EDIL3: variants seen among roughly 807,000 people sequenced by gnomAD.
EDIL3 encodes the protein EGF like and discoidin domains 3, also known as EGF-like repeat and discoidin I-like domain-containing protein 3.
A neutral mutation model predicts 67.4 loss-of-function variants in EDIL3; 37 were observed. The ratio of observed to expected loss-of-function variants is 0.55; its 90% CI spans 0.42 to 0.72. The LOEUF (loss-of-function observed/expected upper bound fraction) is 0.72, where lower values mean the gene tolerates loss of function less well. Ranked by LOEUF, EDIL3 falls within the 30% of genes least tolerant of loss-of-function variation. The pLI is 0.00. For missense variants in EDIL3, 527 were observed against 586.3 expected (o/e 0.90, Z 1.04); for synonymous variants, 195 against 196.3 (o/e 0.99, Z 0.05).
At chr5:84,053,221 C>T (rs1024742442) in intron 9 of EDIL3, among the ~76,000 whole-genome samples, 7 of 152,062 alleles carry the variant, frequency 4.6e-5, no homozygotes, top group Non-Finnish European at 8.8e-5. Context: ...GGGTACATAA[C>T]GAAATGAAGG....
At chr5:84,171,674 A>T (rs573352904) in intron 4 of EDIL3, among the ~76,000 whole-genome samples, 6 of 152,212 alleles carry the variant, frequency 3.9e-5, no homozygotes, top group African/African-American at 7.2e-5. Flanking sequence ...AACCTATCCC[A>T]AGCTTGGTTT....
intron 1 of EDIL3, among the ~76,000 whole-genome samples, chr5:84,375,603 G>A (rs1450395129): frequency 1.3e-5 from 2 of 152,112 alleles, no homozygotes; most frequent in Non-Finnish European, 2.9e-5. Flanking sequence ...ACTACCTGAT[G>A]TATCTGAAAA....
At chr5:84,362,774 T>C (rs1197007854) in intron 1 of EDIL3, among the ~76,000 whole-genome samples, 1 of 152,204 alleles carries the variant, frequency 6.6e-6, no homozygotes, top group Non-Finnish European at 1.5e-5. Context: ...TAGATTGGTT[T>C]ACTATGTAGC....
At chr5:84,212,340 C>T (rs342409) in intron 3 of EDIL3, among the ~76,000 whole-genome samples, 1 of 152,096 alleles carries the variant, frequency 6.6e-6, no homozygotes, top group Non-Finnish European at 1.5e-5. Context: ...TTCCTATTAC[C>T]GGTGAAGAAA....
At chr5:84,262,192 G>A (rs1745235629) in intron 1 of EDIL3, among the ~76,000 whole-genome samples, 1 of 152,152 alleles carries the variant, frequency 6.6e-6, no homozygotes, top group East Asian at 1.9e-4. Flanking sequence ...ACAGGGCCGG[G>A]GGAGGCTTTT....
chr5:84,163,493 T>G (rs2112341972), intron 4 of EDIL3, among the ~76,000 whole-genome samples: 1 of 152,248 alleles, frequency 6.6e-6, no homozygotes, highest in Non-Finnish European at 1.5e-5. Flanking sequence ...TATTTACTTT[T>G]TAACATATAA....
intron 9 of EDIL3, among the ~76,000 whole-genome samples, chr5:83,963,598 T>C (rs1434162759): frequency 6.6e-6 from 1 of 151,560 alleles, no homozygotes; most frequent in Non-Finnish European, 1.5e-5. Flanking sequence ...AGTCAAATCA[T>C]GGTGATTTCA....
intron 1 of EDIL3, among the ~76,000 whole-genome samples, chr5:84,263,710 C>G (rs1745282798): frequency 6.6e-6 from 1 of 152,112 alleles, no homozygotes; most frequent in Non-Finnish European, 1.5e-5. Context: ...CTATAGAAAT[C>G]TAGTGGGACA....
intron 9 of EDIL3, among the ~76,000 whole-genome samples, chr5:84,035,202 G>A (rs749191905): frequency 6.6e-5 from 10 of 151,952 alleles, no homozygotes; most frequent in African/African-American, 4.8e-5. Context: ...TTCTAGACTT[G>A]ATGCAACTTT....
chr5:84,348,152 C>G (rs1401458168), intron 1 of EDIL3, among the ~76,000 whole-genome samples: 1 of 152,150 alleles, frequency 6.6e-6, no homozygotes, highest in African/African-American at 2.4e-5. Flanking sequence ...TCCACTGAGC[C>G]AAACTTTGGA....
intron 9 of EDIL3, among the ~76,000 whole-genome samples, chr5:83,983,292 CA>C (rs1257616508): frequency 6.6e-6 from 1 of 152,108 alleles, no homozygotes; most frequent in Non-Finnish European, 1.5e-5. Flanking sequence ...GTAATCTTTG[CA>C]TTTTTAAAAC....
intron 2 of EDIL3, among the ~76,000 whole-genome samples, chr5:84,248,273 A>C (rs1744950234): frequency 6.6e-6 from 1 of 152,196 alleles, no homozygotes; most frequent in Non-Finnish European, 1.5e-5. Context: ...GGAAATGCTT[A>C]TCTTGCTTAA....
intron 1 of EDIL3, among the ~76,000 whole-genome samples, chr5:84,365,472 T>C (rs1269146110): frequency 6.6e-6 from 1 of 152,138 alleles, no homozygotes; most frequent in African/African-American, 2.4e-5. Context: ...TAGTTTCTGT[T>C]ATAAGTTATA....
At chr5:84,340,538 A>C (rs368774024) in intron 1 of EDIL3, among the ~76,000 whole-genome samples, 17,090 of 40,058 alleles carry the variant, frequency 0.43, 1,879 homozygotes, top group Non-Finnish European at 0.45. Flanking sequence ...CTCTCTCTAT[A>C]TATATATATA....
At chr5:84,169,657 C>CA (rs1561451928) in intron 4 of EDIL3, among the ~76,000 whole-genome samples, 12 of 142,268 alleles carry the variant, frequency 8.4e-5, no homozygotes. Flanking sequence ...TTGGGATTGG[C>CA]TTTTTTTTTT....
At chr5:84,172,307 C>T (rs1561452603) in intron 4 of EDIL3, among the ~76,000 whole-genome samples, 1 of 152,148 alleles carries the variant, frequency 6.6e-6, no homozygotes, top group Non-Finnish European at 1.5e-5. Context: ...CTTGGCCTGG[C>T]ATGGTCATTC....
chr5:84,115,575 G>A lies in EDIL3; in HGVS notation c.470-8745C>T, dbSNP rs139509006. ...CACAAAAGTTGACAAAATCTAAGAC[G>A]ATTATCCTCTTATCACAGTAAACAG... On this transcript the variant is annotated intron_variant, in intron 5 of 10. Coordinates refer to ENST00000296591, the MANE Select transcript of EDIL3 (RefSeq NM_005711.5). 1.6e-3 allele frequency among the ~76,000 whole-genome samples: 239 copies of A among 152,218 alleles called. 2 individuals carry two copies. The East Asian group carries it at 0.02, about 13-fold the overall frequency.
intron 6 of EDIL3, among the ~76,000 whole-genome samples, chr5:84,087,355 A>T (rs138099844): frequency 4.9e-4 from 74 of 152,314 alleles, no homozygotes; most frequent in Non-Finnish European, 9.4e-4. Context: ...TCAAGGTGAC[A>T]GTCAATGGCC....
intron 1 of EDIL3, among the ~76,000 whole-genome samples, chr5:84,326,193 C>A (rs1056060124): frequency 5.3e-5 from 8 of 152,032 alleles, no homozygotes; most frequent in African/African-American, 1.7e-4. Flanking sequence ...AGGGTCCTCA[C>A]GAGATGAAGT....
Sources: gnomAD v4.1 joint callset for allele counts (sites outside exome capture counted in the v4.1 genomes callset) on GRCh38, gnomAD v4.1.1 for gene constraint, MANE v1.5 for transcripts, NCBI Gene and HGNC (gene_info 2026-07-23, HGNC 2026-07-21) for gene names.